The following SERPINI2 variants were observed in gnomAD, a reference collection of about 807,000 sequenced individuals.
The protein encoded by SERPINI2 is serpin family I member 2.
A neutral mutation model predicts 47.3 loss-of-function variants in SERPINI2; 48 were observed. That is an observed-to-expected ratio of 1.02 (90% CI 0.81 to 1.29). The LOEUF (loss-of-function observed/expected upper bound fraction) is 1.29, where lower values mean the gene tolerates loss of function less well. SERPINI2 is among the 50% of genes most tolerant of loss of function. The pLI is 0.00. For synonymous variants in SERPINI2, 135 were observed against 149.3 expected (o/e 0.90, Z 0.70); for missense variants, 448 against 456.9 (o/e 0.98, Z 0.18).
At chr3:167,464,354 G>A (rs1750073703) in intron 5 of SERPINI2, among the ~76,000 whole-genome samples, 1 of 152,122 alleles carries the variant, frequency 6.6e-6, no homozygotes, top group South Asian at 2.1e-4. Context: ...GAGGATAGTT[G>A]AGAAGAGAAT....
At chr3:167,470,409 C>T (rs1288112493) in intron 2 of SERPINI2, among the ~76,000 whole-genome samples, 1 of 152,090 alleles carries the variant, frequency 6.6e-6, no homozygotes, top group East Asian at 1.9e-4. Flanking sequence ...GAAAAATACA[C>T]TGAAATTATA....
chr3:167,446,436 A>C (rs746419909), exon 8 of SERPINI2: 1 of 1,610,762 alleles, frequency 6.2e-7, no homozygotes, highest in South Asian at 1.1e-5. Flanking sequence ...ATGATTTGCT[A>C]TAAATTGGCT....
chr3:167,446,725 A>C (rs1046721884), intron 7 of SERPINI2: 1 of 250,398 alleles, frequency 4.0e-6, no homozygotes, highest in African/African-American at 2.2e-5. Context: ...ATGAAGAAGC[A>C]AGCCAGATAC....
chr3:167,444,071 A>G (rs1485828019), intron 8 of SERPINI2, among the ~76,000 whole-genome samples: 1 of 152,128 alleles, frequency 6.6e-6, no homozygotes, highest in Non-Finnish European at 1.5e-5. Context: ...TTCTTAATGG[A>G]TATTCTGCAA....
In SERPINI2 at chr3:167,465,655, A is replaced by AAC. The variant is rs1293390425; in HGVS notation, c.495_496dup (p.Phe166CysfsTer10). The stretch of plus-strand genomic sequence containing the variant: ...CAGAGGGCCAAATTCTTCCCCTGAA[A>AAC]ACATGTCTTTAATTTTTCCTAGGAA... On this transcript the variant is annotated frameshift_variant, in exon 4 of 9. Transcript: ENST00000264677. LOFTEE classifies it high-confidence loss of function. 2 of 1,608,656 alleles carry AAC rather than the reference A, an allele frequency of 1.2e-6. No individual in the cohort carries two copies. The highest frequency in any genetic ancestry group is 1.7e-6 in the Non-Finnish European group (2 of 1,178,694).
intron 7 of SERPINI2, among the ~76,000 whole-genome samples, chr3:167,447,716 A>C (rs1396472031): frequency 6.6e-6 from 1 of 152,224 alleles, no homozygotes; most frequent in Non-Finnish European, 1.5e-5. Flanking sequence ...AATAATCTAT[A>C]AGGACTCTCT....
intron 8 of SERPINI2, among the ~76,000 whole-genome samples, chr3:167,444,279 G>T (rs1217298301): frequency 6.6e-6 from 1 of 152,014 alleles, no homozygotes; most frequent in Non-Finnish European, 1.5e-5. Context: ...GTGCTTTATT[G>T]TCCTAGAAAT....
intron 3 of SERPINI2, 144 bp from the exon 4 acceptor site, chr3:167,465,817 G>C: frequency 1.6e-6 from 1 of 627,830 alleles, no homozygotes; most frequent in Non-Finnish European, 2.7e-6. Context: ...GTAATTTTGA[G>C]AATAGACGGG....
intron 5 of SERPINI2, among the ~76,000 whole-genome samples, chr3:167,461,046 A>G (rs1749967288): frequency 6.6e-6 from 1 of 152,188 alleles, no homozygotes; most frequent in Non-Finnish European, 1.5e-5. Flanking sequence ...AGAAATATAG[A>G]TAAGGATTGG....
chr3:167,465,563 C>T (rs1750109058), exon 4 of SERPINI2: 8 of 1,613,810 alleles, frequency 5.0e-6, no homozygotes, highest in Non-Finnish European at 6.8e-6. Flanking sequence ...AGCTGTGTGT[C>T]CTCTTTTCTG....
intron 1 of SERPINI2, chr3:167,473,762 A>G: frequency 6.8e-7 from 1 of 1,480,246 alleles, no homozygotes; most frequent in Non-Finnish European, 8.9e-7. Context: ...ATCATATCTT[A>G]TCAGAAAGCA....
intron 5 of SERPINI2, among the ~76,000 whole-genome samples, chr3:167,459,034 A>C (rs980859172): frequency 6.6e-6 from 1 of 151,882 alleles, no homozygotes; most frequent in African/African-American, 2.4e-5. Flanking sequence ...GGCGGCGTAT[A>C]GCAATTATGT....
intron 3 of SERPINI2, 84 bp from the exon 4 acceptor site, chr3:167,465,757 G>A: frequency 1.6e-6 from 2 of 1,227,562 alleles, no homozygotes; most frequent in Non-Finnish European, 2.2e-6. Context: ...TAAAGCAAAA[G>A]TGTCTTTTGC....
chr3:167,463,284 T>C (rs1750033049), intron 5 of SERPINI2, among the ~76,000 whole-genome samples: 1 of 152,072 alleles, frequency 6.6e-6, no homozygotes, highest in East Asian at 1.9e-4. Context: ...GTGTTTGGCA[T>C]AGTAGGTGCT....
intron 1 of SERPINI2, among the ~76,000 whole-genome samples, chr3:167,472,527 C>A (rs1341894211): frequency 6.6e-6 from 1 of 151,830 alleles, no homozygotes; most frequent in African/African-American, 2.4e-5. Context: ...GTGATGAGAT[C>A]ATTTATACCC....
At chr3:167,468,902 T>C (rs535196383) in intron 2 of SERPINI2, among the ~76,000 whole-genome samples, 1 of 152,218 alleles carries the variant, frequency 6.6e-6, no homozygotes, top group Non-Finnish European at 1.5e-5. Flanking sequence ...AAATCTGAAA[T>C]ACATGAACAT....
At chr3:167,446,565 A>G in intron 7 of SERPINI2, 84 bp from the exon 8 acceptor site, 1 of 842,412 alleles carries the variant, frequency 1.2e-6, no homozygotes, top group Non-Finnish European at 1.8e-6. Flanking sequence ...TTTTGTAGAC[A>G]GGAAAAGTCA....
intron 2 of SERPINI2, among the ~76,000 whole-genome samples, chr3:167,468,102 C>T (rs904061381): frequency 6.6e-6 from 1 of 152,096 alleles, no homozygotes; most frequent in Non-Finnish European, 1.5e-5. Flanking sequence ...TTTTCATTTC[C>T]TTCTGGCTTA....
chr3:167,449,155 A>G (rs1325777413), intron 7 of SERPINI2, among the ~76,000 whole-genome samples, 161 bp downstream of exon 7: 1 of 152,200 alleles, frequency 6.6e-6, no homozygotes, highest in Non-Finnish European at 1.5e-5. Flanking sequence ...ACTGAAGAGA[A>G]ATATGAACAG....
Sources: allele counts gnomAD v4.1 joint callset (sites outside exome capture counted in the v4.1 genomes callset), GRCh38; gene constraint gnomAD v4.1.1; transcripts MANE v1.5; gene names NCBI Gene and HGNC (gene_info 2026-07-23, HGNC 2026-07-21).